The following PKHD1 variants were observed in gnomAD, a reference collection of about 807,000 sequenced individuals.
PKHD1 encodes the protein PKHD1 ciliary IPT domain containing fibrocystin/polyductin, also known as fibrocystin.
A neutral mutation model predicts 412.0 loss-of-function variants in PKHD1; 291 were observed. The ratio of observed to expected loss-of-function variants is 0.71; its 90% CI spans 0.64 to 0.78. The LOEUF is 0.78. Ranked by LOEUF, PKHD1 falls within the 30% of genes least tolerant of loss-of-function variation. PKHD1 has a pLI of 0.00. For synonymous variants in PKHD1, 1,777 were observed against 1,821.5 expected, an observed-to-expected ratio of 0.98 and a Z score of 0.62; for missense variants, 4,825 against 4,950.7, an observed-to-expected ratio of 0.97 and a Z score of 0.76.
At chr6:51,793,719 C>A (rs1794119041) in intron 52 of PKHD1, among the ~76,000 whole-genome samples, 1 of 152,254 alleles carries the variant, frequency 6.6e-6, no homozygotes, top group African/African-American at 2.4e-5. Context: ...CTTTTTATGG[C>A]TGCATAGTAT....
chr6:52,055,424 T>A (rs996832954), intron 19 of PKHD1, among the ~76,000 whole-genome samples, 163 bp downstream of exon 19: 1 of 152,220 alleles, frequency 6.6e-6, no homozygotes, highest in African/African-American at 2.4e-5. Flanking sequence ...TGGTGTCCAT[T>A]CATACCTGAA....
chr6:52,058,779 A>G (rs1808210367), intron 15 of PKHD1, among the ~76,000 whole-genome samples, 178 bp from the exon 16 acceptor site: 1 of 145,890 alleles, frequency 6.9e-6, no homozygotes, highest in African/African-American at 2.8e-5. Context: ...CTCTCTATCT[A>G]TCTATCTATC....
intron 66 of PKHD1, among the ~76,000 whole-genome samples, chr6:51,623,313 T>C (rs980880662): frequency 3.9e-5 from 6 of 152,128 alleles, no homozygotes; most frequent in Admixed American, 6.5e-5. Flanking sequence ...TATAGTTTAT[T>C]TTTATATAGG....
intron 49 of PKHD1, among the ~76,000 whole-genome samples, chr6:51,851,047 G>A (rs927265706): frequency 6.6e-6 from 1 of 151,982 alleles, no homozygotes; most frequent in African/African-American, 2.4e-5. Flanking sequence ...ATAAATAGCT[G>A]TTATTATTTT....
chr6:51,795,674 T>C (rs1463852960), intron 52 of PKHD1, among the ~76,000 whole-genome samples: 1 of 152,220 alleles, frequency 6.6e-6, no homozygotes, highest in Non-Finnish European at 1.5e-5. Context: ...TTGTCATATA[T>C]AGCTTTTATT....
At chr6:51,982,175 G>C (rs1307302135) in intron 35 of PKHD1, among the ~76,000 whole-genome samples, 3 of 38,646 alleles carry the variant, frequency 7.8e-5, no homozygotes, top group Admixed American at 3.5e-4. Flanking sequence ...CACCCCGTCC[G>C]GGAGGGAGGT....
At chr6:51,705,889 T>C (rs1582187296) in intron 60 of PKHD1, among the ~76,000 whole-genome samples, 2 of 152,112 alleles carry the variant, frequency 1.3e-5, no homozygotes, top group Admixed American at 1.3e-4. Context: ...CTAGCTGAAG[T>C]TATTCTTTAT....
chr6:51,735,768 A>T (rs931988688), intron 60 of PKHD1, among the ~76,000 whole-genome samples: 2 of 151,716 alleles, frequency 1.3e-5, no homozygotes, highest in African/African-American at 2.4e-5. Context: ...TCTACGAAAA[A>T]TTTTTTTTAA....
chr6:51,903,352 G>A (rs542717239), intron 43 of PKHD1, among the ~76,000 whole-genome samples: 1 of 152,260 alleles, frequency 6.6e-6, no homozygotes, highest in African/African-American at 2.4e-5. Flanking sequence ...GCCCAAGATG[G>A]CTTTGAATGT....
chr6:51,986,853 A>G (rs1327989726), intron 35 of PKHD1, among the ~76,000 whole-genome samples: 1 of 152,258 alleles, frequency 6.6e-6, no homozygotes, highest in African/African-American at 2.4e-5. Context: ...AAATTTGGAA[A>G]TGGCCTTTAT....
intron 36 of PKHD1, among the ~76,000 whole-genome samples, chr6:51,941,316 C>T (rs1418547036): frequency 4.7e-5 from 6 of 127,244 alleles, no homozygotes; most frequent in South Asian, 2.7e-4. Context: ...ACTGCAGTGG[C>T]GCAATCTCGG....
At chr6:51,933,090 C>T (rs1001132105) in intron 37 of PKHD1, among the ~76,000 whole-genome samples, 2 of 152,136 alleles carry the variant, frequency 1.3e-5, no homozygotes, top group African/African-American at 2.4e-5. Context: ...TTTTATCTGC[C>T]TTTGGCTCAT....
chr6:52,025,208 G>A lies in PKHD1; in HGVS notation c.4602C>T (p.Ser1534=). ...AGTCTCTTGTCTGGCACACAACGTG[G>A]CTTGCATTAAAAAAAGTTACATTGC... ...LPCNVTFFNA[S]HVVCQTRDLA... The change falls in exon 32 of 67, where the codon AGC becomes AGT. Residue 1534 remains serine (S), a synonymous_variant. Transcript: ENST00000371117. 3 of 1,614,184 alleles carry A rather than the reference G, an allele frequency of 1.9e-6. No individual in the cohort carries two copies. Among genetic ancestry groups the A allele is most frequent in the Non-Finnish European group, 2.5e-6 (3 of 1,180,024 alleles).
chr6:52,062,740 G>C, intron 13 of PKHD1, 80 bp from the exon 14 acceptor site: 2 of 1,564,216 alleles, frequency 1.3e-6, no homozygotes, highest in Non-Finnish European at 1.8e-6. Flanking sequence ...AAATTACAAG[G>C]TGAAAGATGA....
intron 55 of PKHD1, 146 bp downstream of exon 55, chr6:51,772,556 T>C (rs1210781440): frequency 1.4e-5 from 7 of 516,988 alleles, no homozygotes; most frequent in Non-Finnish European, 2.4e-5. Context: ...TTTTTTAAAT[T>C]CCCTATAATC....
intron 36 of PKHD1, among the ~76,000 whole-genome samples, chr6:51,952,111 G>A (rs2127888146): frequency 6.6e-6 from 1 of 152,216 alleles, no homozygotes; most frequent in African/African-American, 2.4e-5. Flanking sequence ...CTTTCTCATA[G>A]CAATGGCTTA....
chr6:51,720,343 G>C (rs955025508), intron 60 of PKHD1, among the ~76,000 whole-genome samples: 7 of 152,064 alleles, frequency 4.6e-5, no homozygotes, highest in African/African-American at 1.7e-4. Context: ...TGTCCCACAG[G>C]GCTCCTCAGG....
chr6:51,629,445 A>C (rs1767668337), intron 65 of PKHD1, among the ~76,000 whole-genome samples: 2 of 152,146 alleles, frequency 1.3e-5, no homozygotes, highest in Non-Finnish European at 2.9e-5. Flanking sequence ...ACATGTGGCC[A>C]AAAGTATGTG....
chr6:51,693,187 A>G (rs989665702), intron 60 of PKHD1, among the ~76,000 whole-genome samples: 2 of 152,212 alleles, frequency 1.3e-5, no homozygotes, highest in African/African-American at 4.8e-5. Flanking sequence ...AATAGGCCCC[A>G]AAATCATCAT....
Sources: allele counts gnomAD v4.1 joint callset (sites outside exome capture counted in the v4.1 genomes callset), GRCh38; gene constraint gnomAD v4.1.1; transcripts MANE v1.5; gene names NCBI Gene and HGNC (gene_info 2026-07-23, HGNC 2026-07-21).